Variants in CALU observed in about 807,000 individuals in gnomAD.
The protein encoded by CALU is calumenin, also known as IEF SSP 9302.
In CALU, 13 loss-of-function variants were observed where a neutral mutation model predicts 37.5. The ratio of observed to expected loss-of-function variants is 0.35; its 90% CI spans 0.23 to 0.55. The LOEUF (loss-of-function observed/expected upper bound fraction) is 0.55, where lower values mean the gene tolerates loss of function less well. CALU is among the 20% of genes least tolerant of loss of function. CALU has a pLI of 0.89. For missense variants in CALU, 282 were observed against 391.7 expected, an observed-to-expected ratio of 0.72 and a Z score of 2.36; for synonymous variants, 114 against 133.8, an observed-to-expected ratio of 0.85 and a Z score of 1.02.
Position 128,767,479 on chromosome 7 carries a change from A to T in CALU, c.667A>T (p.Asn223Tyr). 6.2e-7 allele frequency: 1 copy of T among 1,613,896 alleles called. No homozygotes were observed. Among genetic ancestry groups the T allele is most frequent in the Non-Finnish European group, 8.5e-7 (1 of 1,179,736 alleles). ...AGGTGACATGTACAGCCATGATGGG[A>T]ATACTGATGAGCCAGAATGGGTAAA... Reference protein sequence around the residue: ...YIGDMYSHDGNTDEPEWVKTE... With the variant: ...YIGDMYSHDGYTDEPEWVKTE... Residue 223 changes from asparagine to tyrosine, a missense_variant, in exon 6 of 7, where the codon AAT (asparagine) becomes TAT (tyrosine). Physicochemically the swap from Asn to Tyr is moderately radical, Grantham distance 143. Coordinates refer to ENST00000249364, the MANE Select transcript of CALU (RefSeq NM_001219.5).
intron 1 of CALU, among the ~76,000 whole-genome samples, chr7:128,745,334 T>C (rs1800389368): frequency 6.6e-6 from 1 of 152,204 alleles, no homozygotes; most frequent in South Asian, 2.1e-4. Flanking sequence ...ATTATTTGTT[T>C]ATAGGCTGGG....
intron 5 of CALU, among the ~76,000 whole-genome samples, chr7:128,764,773 A>G (rs988499105): frequency 2.0e-5 from 3 of 151,714 alleles, no homozygotes; most frequent in Admixed American, 6.6e-5. Flanking sequence ...CAATGTGACC[A>G]TCACTTAATT....
Position 128,769,111 on chromosome 7 carries a change from G to T in CALU, c.892G>T (p.Val298Phe). ...EEIVDKYDLF[V>F]GSQATDFGEA... Reference sequence around the variant, plus strand: ...GATCGTTGACAAGTATGACTTATTTGTTGGCAGCCAGGCCACAGATTTTGG... The same window carrying T: ...GATCGTTGACAAGTATGACTTATTTTTTGGCAGCCAGGCCACAGATTTTGG... The change falls in exon 7 of 7, where the codon GTT becomes TTT. Residue 298 changes from valine (V) to phenylalanine (F), a missense_variant. By Grantham distance (50) the Val-to-Phe change is conservative. Coordinates refer to ENST00000249364, the MANE Select transcript of CALU (RefSeq NM_001219.5). The T allele has an allele frequency of 6.2e-7, 1 of 1,613,598 alleles. No individual in the cohort carries two copies. Among genetic ancestry groups the T allele is most frequent in the Non-Finnish European group, 8.5e-7 (1 of 1,179,588 alleles).
chr7:128,743,049 ATATGAAATG>A (rs1274272155), intron 1 of CALU, among the ~76,000 whole-genome samples: 2 of 152,240 alleles, frequency 1.3e-5, no homozygotes, highest in Non-Finnish European at 2.9e-5. Flanking sequence ...CATTCTTTCA[ATATGAAATG>A]TAACACTTAT....
At position 128,765,742 on chromosome 7, in the gene CALU, A is replaced by G. The variant is rs897322874; in HGVS notation, c.644-1714A>G. ...CATTTCTTTGACACATTTTTATTCAAATAGTTTCATATCCATGGATGACAA... is the reference window on the plus strand; with the variant it reads ...CATTTCTTTGACACATTTTTATTCAGATAGTTTCATATCCATGGATGACAA... On this transcript the variant is annotated intron_variant, in intron 5 of 6. Coordinates refer to ENST00000249364, the MANE Select transcript of CALU (RefSeq NM_001219.5). Among the ~76,000 whole-genome samples, 6 of 152,280 alleles carry G rather than the reference A, an allele frequency of 3.9e-5. 1 individual carries two copies. The highest frequency in any genetic ancestry group is 1.4e-4 in the African/African-American group (6 of 41,562).
intron 1 of CALU, among the ~76,000 whole-genome samples, chr7:128,743,891 A>G (rs183268886): frequency 4.3e-4 from 66 of 152,302 alleles, no homozygotes; most frequent in Admixed American, 1.2e-3. Flanking sequence ...ATTTGGTTGA[A>G]AAGACAAAGA....
chr7:128,757,988 A>T lies in CALU; in HGVS notation c.416-883A>T, dbSNP rs561885716. 4.6e-5 allele frequency among the ~76,000 whole-genome samples: 7 copies of T among 151,862 alleles called. 1 individual carries two copies. The South Asian group carries it at 1.5e-3, about 32-fold the overall frequency. On this transcript the variant is annotated intron_variant, in intron 3 of 6. Transcript: ENST00000249364. ...TATGTATTTAAGTGCATAATTGATG[A>T]GTTTTGACGTATGTATTTACCAGTG... is the stretch of plus-strand genomic sequence containing the variant.
At chr7:128,764,122 A>T (rs774323275) in intron 5 of CALU, among the ~76,000 whole-genome samples, 1 of 152,186 alleles carries the variant, frequency 6.6e-6, no homozygotes, top group Non-Finnish European at 1.5e-5. Flanking sequence ...AAATTTAAAC[A>T]GTTGTAAAGA....
chr7:128,741,892 A>G (rs772257957), intron 1 of CALU, among the ~76,000 whole-genome samples: 27 of 152,220 alleles, frequency 1.8e-4, no homozygotes, highest in Non-Finnish European at 3.7e-4. Context: ...AGCCAGAAAA[A>G]TTTAAAGTTT....
chr7:128,764,473 A>G lies in CALU; in HGVS notation c.644-2983A>G, dbSNP rs181556575. 9.2e-5 allele frequency among the ~76,000 whole-genome samples: 14 copies of G among 152,288 alleles called. 1 individual carries two copies. In the East Asian group the frequency reaches 2.3e-3, roughly 25 times the overall value. ...GTTGGTGATAAGCATTGACATTTTG[A>G]AAGTAATTCGGAAAGAAATCTATAA... On this transcript the variant is annotated intron_variant, in intron 5 of 6. Coordinates refer to ENST00000249364, the MANE Select transcript of CALU (RefSeq NM_001219.5).
intron 1 of CALU, among the ~76,000 whole-genome samples, chr7:128,745,955 C>T (rs575022461): frequency 6.2e-4 from 95 of 152,290 alleles, no homozygotes; most frequent in African/African-American, 2.1e-3. Context: ...CCACTGTTTA[C>T]ACATGGGTAT....
At chr7:128,749,781 A>G (rs1205317834) in intron 2 of CALU, among the ~76,000 whole-genome samples, 1 of 152,240 alleles carries the variant, frequency 6.6e-6, no homozygotes, top group Non-Finnish European at 1.5e-5. Context: ...TAATAAAGAT[A>G]TTTTGCTATG....
At chr7:128,754,677 A>T in intron 3 of CALU, 1 of 1,552,296 alleles carries the variant, frequency 6.4e-7, no homozygotes, top group South Asian at 1.2e-5. Context: ...AGACGGCTTA[A>T]TCTCCTGGGA....
intron 5 of CALU, among the ~76,000 whole-genome samples, chr7:128,762,327 G>A (rs930941392): frequency 2.7e-5 from 4 of 148,574 alleles, no homozygotes; most frequent in African/African-American, 9.9e-5. Flanking sequence ...GGGCAGAGGA[G>A]TTATATTTTG....
At chr7:128,744,915 T>C (rs1800373711) in intron 1 of CALU, among the ~76,000 whole-genome samples, 1 of 152,202 alleles carries the variant, frequency 6.6e-6, no homozygotes, top group Non-Finnish European at 1.5e-5. Context: ...TCTGGTATCC[T>C]TGTATCAAGA....
In CALU at chr7:128,769,200, A is replaced by G; in HGVS notation, c.*33A>G. 2.7e-6 allele frequency: 3 copies of G among 1,128,698 alleles called. No homozygotes were observed. The Admixed American group carries it at 6.1e-5, about 23-fold the overall frequency. The allele number at this position is 1,128,698 out of a possible 1,614,324, so 69.9% of individuals were successfully genotyped here. A position where few individuals can be genotyped will look rare whatever the true frequency, so the allele number is the denominator to read the frequency against. ...AGGAACCCTCATTTCCTCAAAAGTAATTTATTTTTACAGCTTCTGGTTTCA... is the reference window on the plus strand; with the variant it reads ...AGGAACCCTCATTTCCTCAAAAGTAGTTTATTTTTACAGCTTCTGGTTTCA... On this transcript the variant is annotated 3_prime_UTR_variant, in exon 7 of 7. Transcript: ENST00000249364.
intron 6 of CALU, 41 bp downstream of exon 6, chr7:128,767,696 G>C: frequency 6.6e-7 from 1 of 1,514,914 alleles, no homozygotes; most frequent in Non-Finnish European, 9.1e-7. Flanking sequence ...CTTGATTGAA[G>C]TATGCTTCTA....
At position 128,754,271 on chromosome 7, in the gene CALU, A is replaced by G. The variant is rs757921265; in HGVS notation, c.231A>G (p.Val77=). 25 of 1,607,460 alleles carry G rather than the reference A, an allele frequency of 1.6e-5. No homozygotes were observed. Among genetic ancestry groups the G allele is most frequent in the Middle Eastern group, 1.7e-4 (1 of 6,044 alleles). Residue 77 remains valine, a synonymous_variant, in exon 3 of 7, where the codon GTA becomes GTG. Coordinates refer to ENST00000249364, the MANE Select transcript of CALU (RefSeq NM_001219.5). ...EESKERLGKI[V]SKIDGDKDGF... ...TCTGCATTTTCTACAGAAAGATTGT[A>G]AGTAAAATAGATGGCGACAAGGACG...
At chr7:128,757,997 G>A (rs933285001) in intron 3 of CALU, among the ~76,000 whole-genome samples, 2 of 151,618 alleles carry the variant, frequency 1.3e-5, no homozygotes, top group African/African-American at 4.8e-5. Context: ...GAGTTTTGAC[G>A]TATGTATTTA....
Sources: allele counts gnomAD v4.1 joint callset (sites outside exome capture counted in the v4.1 genomes callset), GRCh38; gene constraint gnomAD v4.1.1; transcripts MANE v1.5; gene names NCBI Gene and HGNC (gene_info 2026-07-23, HGNC 2026-07-21).